SVEP1: variants seen among roughly 807,000 people sequenced by gnomAD.
SVEP1 encodes sushi, von Willebrand factor type A, EGF and pentraxin domain containing 1, also known as sushi, von Willebrand factor type A, EGF and pentraxin domain-containing protein 1.
A neutral mutation model predicts 367.3 loss-of-function variants in SVEP1; 164 were observed. The observed-to-expected ratio is 0.45, with a 90% confidence interval of 0.39 to 0.51. The LOEUF (loss-of-function observed/expected upper bound fraction) is 0.51. SVEP1 is among the 20% of genes least tolerant of loss of function. The probability of loss-of-function intolerance (pLI) is 0.00; values close to 1 mark genes in which losing one functional copy is unlikely to be tolerated. For missense variants in SVEP1, 4,117 were observed against 4,425.3 expected (o/e 0.93, Z 1.98); for synonymous variants, 1,666 against 1,611.6 (o/e 1.03, Z -0.81).
chr9:110,550,121 A>C lies in SVEP1; in HGVS notation c.532-17T>G. Reference sequence around the variant, plus strand: ...AAGAATTTGCTGTAATGAAATGGGGAAAGTTAATATGAGTGTGTACTGTCT... The same window carrying C: ...AAGAATTTGCTGTAATGAAATGGGGCAAGTTAATATGAGTGTGTACTGTCT... On this transcript the variant is annotated splice_polypyrimidine_tract_variant and intron_variant, in intron 1 of 47. Coordinates refer to ENST00000374469, the MANE Select transcript of SVEP1 (RefSeq NM_153366.4). 1 of 1,613,450 alleles carries C rather than the reference A, an allele frequency of 6.2e-7. No homozygotes were observed. Among genetic ancestry groups the C allele is most frequent in the Non-Finnish European group, 8.5e-7 (1 of 1,179,444 alleles).
chr9:110,570,048 A>ATTCG (rs1411538145), intron 1 of SVEP1, among the ~76,000 whole-genome samples: 2 of 152,138 alleles, frequency 1.3e-5, no homozygotes, highest in Non-Finnish European at 2.9e-5. Flanking sequence ...AACAACATTC[A>ATTCG]TGCTAAACAA....
At chr9:110,394,548 T>C (rs10980367) in intron 40 of SVEP1, among the ~76,000 whole-genome samples, 13,818 of 152,118 alleles carry the variant, frequency 0.091, 1,106 homozygotes, top group East Asian at 0.4. Flanking sequence ...ATGATCAAAC[T>C]ACTCTCAGCT....
chr9:110,494,220 G>T (rs1313118805), intron 8 of SVEP1, among the ~76,000 whole-genome samples: 1 of 152,144 alleles, frequency 6.6e-6, no homozygotes, highest in African/African-American at 2.4e-5. Context: ...CCATTTTTCT[G>T]TTTATCCCAC....
At chr9:110,508,479 T>C (rs1206929892) in intron 5 of SVEP1, among the ~76,000 whole-genome samples, 1 of 152,092 alleles carries the variant, frequency 6.6e-6, no homozygotes, top group African/African-American at 2.4e-5. Context: ...TGCAGAATTC[T>C]GGCCGGGTGC....
rs1176600085 is a variant in SVEP1 at position 110,499,212 on chromosome 9, G to A, written c.1510C>T (p.Pro504Ser). 2.5e-6 allele frequency: 4 copies of A among 1,612,766 alleles called. No individual in the cohort carries two copies. Among genetic ancestry groups the A allele is most frequent in the Non-Finnish European group, 3.4e-6 (4 of 1,179,252 alleles). The change falls in exon 7 of 48, where the codon CCC becomes TCC. Residue 504 changes from proline (P) to serine (S), a missense_variant. By Grantham distance (74) the Pro-to-Ser change is moderately conservative. Around this residue, in one of 4 missense-constraint regions of SVEP1, gnomAD observed 2,174 missense variants for 2,494.3 expected, o/e 0.87. Coordinates refer to ENST00000374469, the MANE Select transcript of SVEP1 (RefSeq NM_153366.4). ...VERHCSTFQM[P>S]KDVIISPHNC... is the part of the protein sequence containing the mutation. Reference sequence around the variant, plus strand: ...TGGGGGGATATGATGACATCTTTGGGCATCTGAAAGGTGGAACAGTGGCGC... The same window carrying A: ...TGGGGGGATATGATGACATCTTTGGACATCTGAAAGGTGGAACAGTGGCGC...
intron 46 of SVEP1, among the ~76,000 whole-genome samples, chr9:110,374,954 A>G (rs909869258): frequency 1.2e-5 from 1 of 82,596 alleles, no homozygotes. Flanking sequence ...TAGACTGGAT[A>G]AAGTGTTTTT....
chr9:110,566,360 AAAT>A (rs1830494061), intron 1 of SVEP1, among the ~76,000 whole-genome samples: 1 of 151,176 alleles, frequency 6.6e-6, no homozygotes, highest in East Asian at 1.9e-4. Flanking sequence ...ATAAATAAAT[AAAT>A]AAATAAATAA....
chr9:110,471,262 T>G, intron 16 of SVEP1, 102 bp downstream of exon 16: 1 of 960,424 alleles, frequency 1.0e-6, no homozygotes, highest in South Asian at 1.9e-5. Context: ...AAGAGCAAAA[T>G]ATGTTTCATT....
chr9:110,462,782 A>C (rs770001980), intron 18 of SVEP1, among the ~76,000 whole-genome samples: 4 of 151,892 alleles, frequency 2.6e-5, no homozygotes, highest in Non-Finnish European at 5.9e-5. Context: ...ATCAAATGAC[A>C]AACAGTGCAT....
At chr9:110,391,035 G>A (rs1827646724) in intron 40 of SVEP1, among the ~76,000 whole-genome samples, 1 of 151,950 alleles carries the variant, frequency 6.6e-6, no homozygotes. Flanking sequence ...AAAGATAAGA[G>A]CTCTTAAAAA....
rs1828410010 is a variant in SVEP1, at chr9:110,434,858, ATCCATCGCTTTTCTCCC to A, written c.4888+366_4889-353del. ...TCAGTTTTAGTGTGCAGATTGCAACATCCATCGCTTTTCTCCCTGTGCTACCTGTTCCTAGATACCTT... is the reference window on the plus strand; with the variant it reads ...TCAGTTTTAGTGTGCAGATTGCAACATGTGCTACCTGTTCCTAGATACCTT... On this transcript the variant is annotated intron_variant, in intron 29 of 47. Transcript: ENST00000374469. 4.6e-5 allele frequency among the ~76,000 whole-genome samples: 7 copies of A among 151,936 alleles called. No individual in the cohort carries two copies. The South Asian group carries it at 1.5e-3, about 32-fold the overall frequency.
At chr9:110,375,809 A>G (rs1042989224) in intron 45 of SVEP1, among the ~76,000 whole-genome samples, 1 of 151,846 alleles carries the variant, frequency 6.6e-6, no homozygotes, top group Non-Finnish European at 1.5e-5. Context: ...TCAAATTTCC[A>G]TTACAAATTA....
rs73655350 is a variant in SVEP1 at position 110,452,827 on chromosome 9, C to A, written c.3788-1425G>T. On this transcript the variant is annotated intron_variant, in intron 22 of 47. Transcript: ENST00000374469. Reference sequence around the variant, plus strand: ...CACTTTATCAAGTGCAATATCAAGTCCACTCTACTTGATGGCTTATTTGAA... The same window carrying A: ...CACTTTATCAAGTGCAATATCAAGTACACTCTACTTGATGGCTTATTTGAA... Among the ~76,000 whole-genome samples the A allele has an allele frequency of 3.6e-3, 537 of 150,036 alleles. 1 individual carries two copies. The highest frequency in any genetic ancestry group is 0.013 in the African/African-American group (512 of 40,878).
rs758874532 is a variant in SVEP1, at chr9:110,406,586, C to T, written c.9014G>A (p.Cys3005Tyr). Residue 3005 changes from cysteine (C) to tyrosine (Y), a missense_variant, in exon 38 of 48, where the codon TGC becomes TAC. Cys to Tyr is a radical substitution (Grantham distance 194). Around this residue, in one of 4 missense-constraint regions of SVEP1, gnomAD observed 1,765 missense variants for 1,781.1 expected, o/e 0.99. Transcript: ENST00000374469. ...WSGSSPSCLP[C>Y]RCSTPVIEYG... Reference sequence around the variant, plus strand: ...TTCAATTACTGGTGTGGAACATCTGCAAGGCAGGCAGGAAGGTGAGCTGCC... The same window carrying T: ...TTCAATTACTGGTGTGGAACATCTGTAAGGCAGGCAGGAAGGTGAGCTGCC... 1.2e-6 allele frequency: 2 copies of T among 1,613,768 alleles called. No homozygotes were observed. The highest frequency in any genetic ancestry group is 1.7e-6 in the Non-Finnish European group (2 of 1,179,822).
intron 30 of SVEP1, among the ~76,000 whole-genome samples, 193 bp from the exon 31 acceptor site, chr9:110,432,828 T>G (rs1382640165): frequency 6.6e-6 from 1 of 152,194 alleles, no homozygotes; most frequent in Non-Finnish European, 1.5e-5. Flanking sequence ...ACAGTAGGCA[T>G]GCAATTCATT....
chr9:110,510,828 T>G (rs1282132387), intron 5 of SVEP1, among the ~76,000 whole-genome samples: 1 of 152,256 alleles, frequency 6.6e-6, no homozygotes, highest in African/African-American at 2.4e-5. Context: ...AACTATTGAC[T>G]TCACGAAAAT....
At position 110,365,621 on chromosome 9, in the gene SVEP1, G is replaced by C. The variant is rs1042245065; in HGVS notation, c.*918C>G. The C allele has an allele frequency of 6.6e-6, 1 of 152,284 alleles. No individual in the cohort carries two copies. The highest frequency in any genetic ancestry group is 2.4e-5 in the African/African-American group (1 of 41,464). 9.4% of individuals were successfully genotyped at this position (152,284 alleles called of 1,614,324 possible). A position where few individuals can be genotyped will look rare whatever the true frequency, so the allele number is the denominator to read the frequency against. On this transcript the variant is annotated 3_prime_UTR_variant, in exon 48 of 48. Coordinates refer to ENST00000374469, the MANE Select transcript of SVEP1 (RefSeq NM_153366.4). ...ACAGTGAGGACTGAGGGGCAGCTCA[G>C]CTTTCTCTTAGGTGGCTGCAATTCT...
At chr9:110,439,981 C>T (rs911804365) in intron 27 of SVEP1, among the ~76,000 whole-genome samples, 18 of 152,096 alleles carry the variant, frequency 1.2e-4, no homozygotes, top group African/African-American at 2.4e-4. Flanking sequence ...AATAAATATA[C>T]GTTCATTATG....
intron 36 of SVEP1, among the ~76,000 whole-genome samples, chr9:110,414,073 T>C (rs1230231458): frequency 6.6e-6 from 1 of 152,008 alleles, no homozygotes; most frequent in Non-Finnish European, 1.5e-5. Context: ...CTGCTCTCTG[T>C]CTCTCTGTTT....
Sources: gnomAD v4.1 joint callset for allele counts (sites outside exome capture counted in the v4.1 genomes callset) on GRCh38, gnomAD v4.1.1 for gene constraint, gnomAD v4.1.1 regional missense constraint, MANE v1.5 for transcripts, NCBI Gene and HGNC (gene_info 2026-07-23, HGNC 2026-07-21) for gene names.